The following TNIP1 variants were observed in gnomAD, a reference collection of about 807,000 sequenced individuals.
The protein encoded by TNIP1 is TNFAIP3-interacting protein 1.
TNIP1 carries 22 observed loss-of-function variants against 86.6 expected under a neutral mutation model. The observed-to-expected ratio is 0.25, with a 90% CI of 0.18 to 0.36. The LOEUF (loss-of-function observed/expected upper bound fraction) is 0.36, where lower values mean the gene tolerates loss of function less well. Ranked by LOEUF, TNIP1 falls within the 10% of genes least tolerant of loss-of-function variation. The probability of loss-of-function intolerance (pLI) is 1.00; values close to 1 mark genes in which losing one functional copy is unlikely to be tolerated. For missense variants in TNIP1, 709 were observed against 820.6 expected, an observed-to-expected ratio of 0.86 and a Z score of 1.66; for synonymous variants, 294 against 313.0, an observed-to-expected ratio of 0.94 and a Z score of 0.64.
At chr5:151,057,016 G>A in intron 5 of TNIP1, 59 bp from the exon 6 acceptor site, 9 of 1,336,870 alleles carry the variant, frequency 6.7e-6, no homozygotes, top group South Asian at 1.8e-5. Flanking sequence ...GGCGCCGCCA[G>A]TCCATTCTCC....
At chr5:151,073,731 T>C (rs1763079438) in intron 1 of TNIP1, among the ~76,000 whole-genome samples, 1 of 151,336 alleles carries the variant, frequency 6.6e-6, no homozygotes, top group African/African-American at 2.4e-5. Context: ...GATTCTCTAT[T>C]AAAAAAAAAC....
intron 8 of TNIP1, among the ~76,000 whole-genome samples, chr5:151,047,365 T>A (rs565300847): frequency 6.6e-6 from 1 of 152,152 alleles, no homozygotes; most frequent in Non-Finnish European, 1.5e-5. Flanking sequence ...AACTGGCCAG[T>A]ACAACTCAAA....
Position 151,049,954 on chromosome 5 carries a change from T to A in TNIP1, c.723-7A>T. On this transcript the variant is annotated splice_region_variant and splice_polypyrimidine_tract_variant and intron_variant, in intron 7 of 17. Transcript: ENST00000521591. The stretch of plus-strand genomic sequence containing the variant: ...GAGCTCCAAATTTTCCTCCCTGGGA[T>A]GGAGGTAAACAGAGAAATCACAATG... The A allele has an allele frequency of 6.2e-7, 1 of 1,613,956 alleles. No homozygotes were observed. The highest frequency in any genetic ancestry group is 1.1e-5 in the South Asian group (1 of 91,080).
chr5:151,084,402 G>A (rs190001881), upstream of TNIP1, among the ~76,000 whole-genome samples: 32 of 148,934 alleles, frequency 2.1e-4, no homozygotes, highest in South Asian at 2.3e-3. Flanking sequence ...CCAAGATCGC[G>A]CCATTGCACT....
chr5:151,087,490 C>G (rs997703383), upstream of TNIP1: 1 of 152,262 alleles, frequency 6.6e-6, no homozygotes, highest in Non-Finnish European at 1.5e-5. Context: ...CTGAAGACCT[C>G]CATTTCCTCC....
intron 1 of TNIP1, among the ~76,000 whole-genome samples, chr5:151,075,755 G>T (rs544520838): frequency 2.6e-5 from 4 of 152,372 alleles, no homozygotes; most frequent in Admixed American, 2.6e-4. Context: ...TGACTATAGC[G>T]AAGGCAAAGG....
Position 151,073,243 on chromosome 5 carries a change from A to G in TNIP1, c.-37+7637T>C, listed in dbSNP as rs868043048. 4.1e-3 allele frequency among the ~76,000 whole-genome samples: 617 copies of G among 149,242 alleles called. 4 individuals are homozygous for G. Among genetic ancestry groups the G allele is most frequent in the African/African-American group, 0.014 (576 of 40,502 alleles). On this transcript the variant is annotated intron_variant, in intron 1 of 17. Transcript: ENST00000521591. ...TCTCAAAAGAAAAAAAAAAAAAAAAAGGGGTGTTTGAGGAGGTGTGAGTTA... is the reference window on the plus strand; with the variant it reads ...TCTCAAAAGAAAAAAAAAAAAAAAAGGGGGTGTTTGAGGAGGTGTGAGTTA...
intron 5 of TNIP1, among the ~76,000 whole-genome samples, chr5:151,059,866 T>TGTGCGCGC (rs142393672): frequency 2.4e-5 from 2 of 82,694 alleles, no homozygotes. Context: ...TGTGTGTGTG[T>TGTGCGCGC]GCGCGCGCGC....
In TNIP1 at chr5:151,063,625, C is replaced by G; in HGVS notation, c.259G>C (p.Ala87Pro). ...SPSLGSFDPL[A>P]ELTGKDSNVT... ...ACTCCTCTTATACCTGTGAGCTCAG[C>G]CAGGGGGTCGAAGGAGCCCAAGGAG... Residue 87 changes from alanine to proline, a missense_variant, in exon 3 of 18, where the codon GCT (alanine) becomes CCT (proline). Coordinates refer to ENST00000521591, the MANE Select transcript of TNIP1 (RefSeq NM_006058.5). 6.2e-7 allele frequency: 1 copy of G among 1,614,000 alleles called. No homozygotes were observed. The highest frequency in any genetic ancestry group is 8.5e-7 in the Non-Finnish European group (1 of 1,179,946).
intron 1 of TNIP1, among the ~76,000 whole-genome samples, chr5:151,071,000 T>C (rs756301615): frequency 1.7e-4 from 25 of 149,886 alleles, no homozygotes; most frequent in Admixed American, 2.7e-4. Flanking sequence ...TGGAGGATGT[T>C]GATAATGGGG....
At chr5:151,043,058 G>T in intron 9 of TNIP1, 97 bp from the exon 10 acceptor site, 1 of 1,270,952 alleles carries the variant, frequency 7.9e-7, no homozygotes, top group Non-Finnish European at 1.1e-6. Context: ...AGGTGTGCTC[G>T]GTGTGTGTGA....
At chr5:151,066,258 TC>T (rs1421695304) in intron 1 of TNIP1, among the ~76,000 whole-genome samples, 1 of 152,174 alleles carries the variant, frequency 6.6e-6, no homozygotes, top group Non-Finnish European at 1.5e-5. Flanking sequence ...CATGAAGACA[TC>T]TGAAGGAAGA....
At chr5:151,072,152 G>A (rs1581911046) in intron 1 of TNIP1, among the ~76,000 whole-genome samples, 1 of 152,326 alleles carries the variant, frequency 6.6e-6, no homozygotes, top group African/African-American at 2.4e-5. Context: ...GCCTCAATCT[G>A]TCAGATTCCA....
chr5:151,033,540 T>C, intron 16 of TNIP1, 68 bp downstream of exon 16: 1 of 1,104,282 alleles, frequency 9.1e-7, no homozygotes, highest in South Asian at 1.7e-5. Flanking sequence ...CACTTAACCT[T>C]CCTCTCTGGA....
intron 15 of TNIP1, chr5:151,034,763 C>A (rs1441641930): frequency 1.9e-6 from 1 of 519,152 alleles, no homozygotes; most frequent in Non-Finnish European, 3.5e-6. Flanking sequence ...CCAAAGAAGG[C>A]TAGTCACATG....
intron 9 of TNIP1, among the ~76,000 whole-genome samples, chr5:151,043,590 TA>T (rs1265434669): frequency 6.6e-6 from 1 of 151,926 alleles, no homozygotes; most frequent in Non-Finnish European, 1.5e-5. Flanking sequence ...GCCTGGAGAA[TA>T]TGGCAAAACC....
chr5:151,078,112 C>T (rs902064229), intron 1 of TNIP1, among the ~76,000 whole-genome samples: 9 of 152,242 alleles, frequency 5.9e-5, no homozygotes, highest in African/African-American at 1.9e-4. Flanking sequence ...GCACACAATG[C>T]CTTTCAGGTC....
rs1756706870 is a variant in TNIP1 at position 151,030,007 on chromosome 5, A to G, written c.*706T>C. 1 of 452,688 alleles carries G rather than the reference A, an allele frequency of 2.2e-6. No homozygotes were observed. The highest frequency in any genetic ancestry group is 1.6e-5 in the South Asian group (1 of 64,510). 28.0% of individuals were successfully genotyped at this position (452,688 alleles called of 1,614,324 possible). A position where few individuals can be genotyped will look rare whatever the true frequency, so the allele number is the denominator to read the frequency against. The stretch of plus-strand genomic sequence containing the variant: ...TGCAAATAGCTATCCAGGGATGGAC[A>G]GCCACCCTAATCTGGGCTTCTGGCA... On this transcript the variant is annotated 3_prime_UTR_variant, in exon 18 of 18. Coordinates refer to ENST00000521591, the MANE Select transcript of TNIP1 (RefSeq NM_006058.5).
intron 15 of TNIP1, 95 bp from the exon 16 acceptor site, chr5:151,033,894 G>A (rs745753422): frequency 2.3e-4 from 273 of 1,168,032 alleles, no homozygotes; most frequent in Non-Finnish European, 3.0e-4. Flanking sequence ...CTCTCTGAAG[G>A]CTAGCAGGCT....
Sources: allele counts gnomAD v4.1 joint callset (sites outside exome capture counted in the v4.1 genomes callset), GRCh38; gene constraint gnomAD v4.1.1; transcripts MANE v1.5; gene names NCBI Gene and HGNC (gene_info 2026-07-23, HGNC 2026-07-21).